The following GSG1L variants were observed in gnomAD, a reference collection of about 807,000 sequenced individuals.
GSG1L encodes germ cell-specific gene 1-like protein.
A neutral mutation model predicts 42.1 loss-of-function variants in GSG1L; 24 were observed. That is an observed-to-expected ratio of 0.57 (90% CI 0.41 to 0.80). The LOEUF (loss-of-function observed/expected upper bound fraction) is 0.80. Among genes scored for constraint, GSG1L ranks in the 30% least tolerant of loss-of-function variants. The pLI is 0.00. For missense variants in GSG1L, 445 were observed against 472.2 expected (o/e 0.94, Z 0.53); for synonymous variants, 215 against 203.5 (o/e 1.06, Z -0.48).
chr16:27,914,590 C>A (rs1329669338), intron 2 of GSG1L, among the ~76,000 whole-genome samples: 1 of 148,532 alleles, frequency 6.7e-6, no homozygotes, highest in African/African-American at 2.5e-5. Flanking sequence ...GTGGCAGAAT[C>A]ATGGCTCACT....
At chr16:27,994,624 C>T (rs2085493673) in intron 1 of GSG1L, among the ~76,000 whole-genome samples, 1 of 152,116 alleles carries the variant, frequency 6.6e-6, no homozygotes, top group Non-Finnish European at 1.5e-5. Flanking sequence ...TGGCTTTCCG[C>T]TCCCAATTTT....
chr16:27,998,059 G>A (rs558197650), intron 1 of GSG1L, among the ~76,000 whole-genome samples: 1 of 152,062 alleles, frequency 6.6e-6, no homozygotes, highest in East Asian at 1.9e-4. Flanking sequence ...GCTTCACCAT[G>A]TTGGCCTGGC....
At chr16:27,900,002 T>C (rs1187741106) in intron 2 of GSG1L, among the ~76,000 whole-genome samples, 4 of 152,196 alleles carry the variant, frequency 2.6e-5, no homozygotes, top group African/African-American at 9.6e-5. Flanking sequence ...GCACCTCCGT[T>C]GCTGAATCCA....
At chr16:27,904,833 C>A (rs970557693) in intron 2 of GSG1L, among the ~76,000 whole-genome samples, 1 of 152,126 alleles carries the variant, frequency 6.6e-6, no homozygotes, top group Admixed American at 6.5e-5. Context: ...GCTCTGCTTC[C>A]GTGTCAAGAA....
chr16:27,977,551 C>A (rs1367737026), intron 1 of GSG1L, among the ~76,000 whole-genome samples: 3 of 135,582 alleles, frequency 2.2e-5, no homozygotes, highest in Admixed American at 7.7e-5. Flanking sequence ...CGGAGTGACA[C>A]CCTGCCTCAA....
chr16:27,928,856 G>A (rs1019660315), intron 2 of GSG1L, among the ~76,000 whole-genome samples: 4 of 152,352 alleles, frequency 2.6e-5, no homozygotes, highest in Admixed American at 2.6e-4. Flanking sequence ...TTAGAGTCTG[G>A]CTAAGGATTT....
chr16:28,024,021 C>T (rs1418425641), intron 1 of GSG1L, among the ~76,000 whole-genome samples: 6 of 152,052 alleles, frequency 3.9e-5, no homozygotes, highest in Non-Finnish European at 7.4e-5. Flanking sequence ...CAGAATGAGA[C>T]CCTGTCTCAA....
chr16:27,990,391 A>G (rs192680936), intron 1 of GSG1L, among the ~76,000 whole-genome samples: 131 of 152,290 alleles, frequency 8.6e-4, no homozygotes, highest in African/African-American at 2.9e-3. Flanking sequence ...ATTCACTAAG[A>G]ATACGTTTTC....
intron 1 of GSG1L, among the ~76,000 whole-genome samples, chr16:28,009,524 T>C (rs1251259259): frequency 6.6e-6 from 1 of 152,230 alleles, no homozygotes; most frequent in Non-Finnish European, 1.5e-5. Flanking sequence ...TCACCACTGA[T>C]TACCGAGTAT....
At chr16:27,840,474 C>G (rs1485699752) in intron 4 of GSG1L, among the ~76,000 whole-genome samples, 2 of 152,090 alleles carry the variant, frequency 1.3e-5, no homozygotes, top group African/African-American at 2.4e-5. Flanking sequence ...CCTGACCTGA[C>G]GTTGTCACAG....
intron 1 of GSG1L, among the ~76,000 whole-genome samples, chr16:27,995,175 G>A (rs913210777): frequency 6.6e-6 from 1 of 152,164 alleles, no homozygotes; most frequent in African/African-American, 2.4e-5. Flanking sequence ...GGAGACTCAC[G>A]AACATAATCC....
At chr16:27,981,315 G>A (rs1025306668) in intron 1 of GSG1L, among the ~76,000 whole-genome samples, 1 of 152,194 alleles carries the variant, frequency 6.6e-6, no homozygotes, top group East Asian at 1.9e-4. Flanking sequence ...GGCGGGCAGA[G>A]AAGAATCAGT....
Position 27,801,688 on chromosome 16 carries a change from C to T in GSG1L, c.898+5799G>A, listed in dbSNP as rs78169524. On this transcript the variant is annotated intron_variant, in intron 6 of 6. Coordinates refer to ENST00000447459, the MANE Select transcript of GSG1L (RefSeq NM_001109763.2). ...GCCATGTCTGGAGGCACCCCACATC[C>T]TCAGTACCCTGCCCAACCAATGGAG... Among the ~76,000 whole-genome samples the T allele has an allele frequency of 1.7e-4, 26 of 152,326 alleles. No individual in the cohort carries two copies. The East Asian group carries it at 4.8e-3, about 28-fold the overall frequency.
At chr16:27,830,543 T>G (rs2083263476) in intron 4 of GSG1L, among the ~76,000 whole-genome samples, 1 of 152,220 alleles carries the variant, frequency 6.6e-6, no homozygotes. Context: ...TTCCCATTTC[T>G]TTCATGATAA....
At chr16:27,826,935 T>C (rs981411456) in intron 5 of GSG1L, among the ~76,000 whole-genome samples, 4 of 152,210 alleles carry the variant, frequency 2.6e-5, no homozygotes, top group Admixed American at 2.6e-4. Flanking sequence ...ATCCTGGGGC[T>C]GCCTCTTGAA....
chr16:28,036,434 G>A lies in GSG1L; in HGVS notation c.349+26642C>T, dbSNP rs28576413. 5.0e-3 allele frequency among the ~76,000 whole-genome samples: 764 copies of A among 152,278 alleles called. 7 individuals carry two copies. The highest frequency in any genetic ancestry group is 0.017 in the African/African-American group (707 of 41,550). ...ATGATGCCTTCAACCAGTGGTAGATGGGAGTTAGTGGAGAAAGACTCCAGT... is the reference window on the plus strand; with the variant it reads ...ATGATGCCTTCAACCAGTGGTAGATAGGAGTTAGTGGAGAAAGACTCCAGT... On this transcript the variant is annotated intron_variant, in intron 1 of 6. Coordinates refer to ENST00000447459, the MANE Select transcript of GSG1L (RefSeq NM_001109763.2).
At chr16:27,912,898 A>C (rs2084408275) in intron 2 of GSG1L, among the ~76,000 whole-genome samples, 1 of 152,258 alleles carries the variant, frequency 6.6e-6, no homozygotes, top group Admixed American at 6.5e-5. Flanking sequence ...TATTCACAGC[A>C]TAGAATGCTT....
At chr16:27,885,518 A>G (rs954733811) in intron 2 of GSG1L, among the ~76,000 whole-genome samples, 2 of 152,078 alleles carry the variant, frequency 1.3e-5, no homozygotes, top group Non-Finnish European at 2.9e-5. Context: ...CTACACTTTT[A>G]TCTGCCCTGT....
chr16:28,011,597 A>G (rs558425016), intron 1 of GSG1L, among the ~76,000 whole-genome samples: 1 of 152,174 alleles, frequency 6.6e-6, no homozygotes, highest in Non-Finnish European at 1.5e-5. Context: ...TTTGGGTGGA[A>G]TCACCTGATG....
Sources: gnomAD v4.1 joint callset for allele counts (sites outside exome capture counted in the v4.1 genomes callset) on GRCh38, gnomAD v4.1.1 for gene constraint, MANE v1.5 for transcripts, NCBI Gene and HGNC (gene_info 2026-07-23, HGNC 2026-07-21) for gene names.